Variants in NAA50 observed in about 807,000 individuals in gnomAD.
NAA50 encodes the protein N-alpha-acetyltransferase 50, NatE catalytic subunit, also known as N-alpha-acetyltransferase 50.
Under a neutral mutation model 20.7 loss-of-function variants are expected in NAA50, and 7 were observed. The ratio of observed to expected loss-of-function variants is 0.34; its 90% confidence interval spans 0.19 to 0.63. The LOEUF (loss-of-function observed/expected upper bound fraction) is 0.63, where lower values mean the gene tolerates loss of function less well. Ranked by LOEUF, NAA50 falls within the 30% of genes least tolerant of loss-of-function variation. The pLI is 0.75. For synonymous variants in NAA50, 54 were observed against 70.6 expected (o/e 0.77, Z 1.18); for missense variants, 111 against 199.1 (o/e 0.56, Z 2.66).
chr3:113,725,459 C>CA (rs1226250996), intron 1 of NAA50, among the ~76,000 whole-genome samples: 4 of 150,004 alleles, frequency 2.7e-5, no homozygotes, highest in Non-Finnish European at 4.4e-5. Flanking sequence ...GATTAAAATG[C>CA]AAAAAAACAA....
rs185474511 is a variant in NAA50 at position 113,746,034 on chromosome 3, G to C, written c.-85C>G. The C allele has an allele frequency of 1.1e-3, 1,679 of 1,563,890 alleles. 22 individuals carry two copies. The African/African-American group carries it at 0.02, about 19-fold the overall frequency. ...CTTAGGTCTCCGCACCCTTAGCTCG[G>C]GCCACTCAACCCCGCAAGCCGGCCT... On this transcript the variant is annotated 5_prime_UTR_variant, in exon 1 of 5. Coordinates refer to ENST00000240922, the MANE Select transcript of NAA50 (RefSeq NM_025146.4).
chr3:113,739,273 A>G (rs1162360407), intron 1 of NAA50, among the ~76,000 whole-genome samples: 3 of 152,192 alleles, frequency 2.0e-5, no homozygotes, highest in Admixed American at 6.5e-5. Context: ...GTCAGCCACA[A>G]TATGTTTTCC....
chr3:113,741,116 T>C, intron 1 of NAA50: 3 of 549,684 alleles, frequency 5.5e-6, no homozygotes, highest in South Asian at 4.7e-5. Flanking sequence ...TGGATGACTA[T>C]ACTTGAATGA....
Position 113,720,160 on chromosome 3 carries a change from C to A in NAA50, c.*1600G>T, listed in dbSNP as rs1708116395. 1 of 152,616 alleles carries A rather than the reference C, an allele frequency of 6.6e-6. No homozygotes were observed. 9.5% of individuals were successfully genotyped at this position (152,616 alleles called of 1,614,324 possible). ...TCTTGGCACTCAAGATTGTTGAAGTCTACTGCACTTTGTACTTTCACATTC... is the reference window on the plus strand; with the variant it reads ...TCTTGGCACTCAAGATTGTTGAAGTATACTGCACTTTGTACTTTCACATTC... On this transcript the variant is annotated 3_prime_UTR_variant, in exon 5 of 5. Transcript: ENST00000240922.
chr3:113,729,447 A>G (rs1232839092), intron 1 of NAA50, among the ~76,000 whole-genome samples: 2 of 152,180 alleles, frequency 1.3e-5, no homozygotes, highest in Non-Finnish European at 2.9e-5. Flanking sequence ...ACTACTGTTG[A>G]TAATTTGACG....
intron 1 of NAA50, among the ~76,000 whole-genome samples, chr3:113,733,893 A>G (rs1343008200): frequency 6.6e-6 from 1 of 150,924 alleles, no homozygotes; most frequent in African/African-American, 2.4e-5. Context: ...AAAAATATTC[A>G]TATTAAATAT....
At chr3:113,733,016 C>CA (rs1553705827) in intron 1 of NAA50, among the ~76,000 whole-genome samples, 2 of 148,366 alleles carry the variant, frequency 1.3e-5, no homozygotes, top group South Asian at 2.1e-4. Context: ...GGCTATTAGC[C>CA]ATTTTTTTTT....
chr3:113,724,874 C>T (rs1305264216), intron 1 of NAA50, among the ~76,000 whole-genome samples: 1 of 152,182 alleles, frequency 6.6e-6, no homozygotes, highest in Non-Finnish European at 1.5e-5. Context: ...TCTCATTTCT[C>T]CTTCCTGCCA....
At chr3:113,728,593 T>C (rs1461812506) in intron 1 of NAA50, among the ~76,000 whole-genome samples, 1 of 152,246 alleles carries the variant, frequency 6.6e-6, no homozygotes, top group Non-Finnish European at 1.5e-5. Context: ...ACATCAAGTA[T>C]GCTTGTGTAT....
chr3:113,731,077 C>T (rs1708266045), intron 1 of NAA50, among the ~76,000 whole-genome samples: 1 of 152,056 alleles, frequency 6.6e-6, no homozygotes, highest in South Asian at 2.1e-4. Flanking sequence ...AATTTGCATC[C>T]CCCTAAATAA....
Position 113,717,633 on chromosome 3 carries a change from C to T in NAA50, c.*4127G>A, listed in dbSNP as rs1197761347. 2.0e-5 allele frequency: 3 copies of T among 152,138 alleles called. No individual in the cohort carries two copies. The highest frequency in any genetic ancestry group is 4.4e-5 in the Non-Finnish European group (3 of 68,012). 9.4% of individuals were successfully genotyped at this position (152,138 alleles called of 1,614,324 possible). ...TTACTCCCTGAAAAACTTCTATAGG[C>T]TTACTGTTCCTATTTGTGACTGTAG... On this transcript the variant is annotated 3_prime_UTR_variant, in exon 5 of 5. Transcript: ENST00000240922.
chr3:113,726,068 G>T (rs2107986076), intron 1 of NAA50, among the ~76,000 whole-genome samples: 1 of 152,238 alleles, frequency 6.6e-6, no homozygotes, highest in South Asian at 2.1e-4. Flanking sequence ...TTCCTGCCTT[G>T]ATTATTTTTT....
chr3:113,733,233 A>G (rs375769100), intron 1 of NAA50, among the ~76,000 whole-genome samples: 12 of 152,030 alleles, frequency 7.9e-5, no homozygotes, highest in African/African-American at 2.7e-4. Flanking sequence ...TTGTCTTTTC[A>G]TTTTCTTACC....
In NAA50 at chr3:113,721,377, C is replaced by A; in HGVS notation, c.*383G>T. ...TGTCTATGAATTAGAGAACAAGATACTGCTGCTGCTTCTTTTTGTCTTTTG... is the reference window on the plus strand; with the variant it reads ...TGTCTATGAATTAGAGAACAAGATAATGCTGCTGCTTCTTTTTGTCTTTTG... On this transcript the variant is annotated 3_prime_UTR_variant, in exon 5 of 5. Transcript: ENST00000240922. 1 of 224,600 alleles carries A rather than the reference C, an allele frequency of 4.5e-6. No individual in the cohort carries two copies. The highest frequency in any genetic ancestry group is 1.5e-4 in the East Asian group (1 of 6,834). The allele number at this position is 224,600 out of a possible 1,614,324, so 13.9% of individuals were successfully genotyped here.
At chr3:113,739,157 C>T (rs552280675) in intron 1 of NAA50, among the ~76,000 whole-genome samples, 2 of 152,316 alleles carry the variant, frequency 1.3e-5, no homozygotes, top group South Asian at 4.1e-4. Context: ...TGAATATTTA[C>T]TCAAAGACAA....
At chr3:113,737,906 AT>A (rs1224589898) in intron 1 of NAA50, among the ~76,000 whole-genome samples, 2 of 152,108 alleles carry the variant, frequency 1.3e-5, no homozygotes, top group Non-Finnish European at 1.5e-5. Context: ...TTTGGCAGTA[AT>A]TTTAAAAGTA....
intron 1 of NAA50, 98 bp downstream of exon 1, chr3:113,745,844 G>A: frequency 5.1e-6 from 7 of 1,378,570 alleles, no homozygotes; most frequent in Non-Finnish European, 5.9e-6. Context: ...GCCCGTCTTC[G>A]CCCTGAATCT....
rs116431128 is a variant in NAA50, at chr3:113,722,046, C to A, written c.333-109G>T. The stretch of plus-strand genomic sequence containing the variant: ...ATCTGTTACATTCTCTTTACAACTA[C>A]CAGTAATCAACAAGGGTTAGGCATG... On this transcript the variant is annotated intron_variant, in intron 4 of 4. Coordinates refer to ENST00000240922, the MANE Select transcript of NAA50 (RefSeq NM_025146.4). The A allele has an allele frequency of 6.4e-3, 6,370 of 997,282 alleles. 30 individuals are homozygous for A. The highest frequency in any genetic ancestry group is 0.01 in the Middle Eastern group (38 of 3,670). 61.8% of individuals were successfully genotyped at this position (997,282 alleles called of 1,614,324 possible).
chr3:113,745,427 C>T (rs1708478239), intron 1 of NAA50, among the ~76,000 whole-genome samples: 1 of 152,160 alleles, frequency 6.6e-6, no homozygotes. Context: ...AGTTGAGTCA[C>T]TAGCTCTTAA....
Sources: gnomAD v4.1 joint callset for allele counts (sites outside exome capture counted in the v4.1 genomes callset) on GRCh38, gnomAD v4.1.1 for gene constraint, MANE v1.5 for transcripts, NCBI Gene and HGNC (gene_info 2026-07-23, HGNC 2026-07-21) for gene names.